The following ABTB2 variants were observed in gnomAD, a reference collection of about 807,000 sequenced individuals.
The protein encoded by ABTB2 is ankyrin repeat and BTB domain containing 2.
In ABTB2, 56 loss-of-function variants were observed where a neutral mutation model predicts 104.1. That is an observed-to-expected ratio of 0.54 (90% CI 0.43 to 0.67). The LOEUF (loss-of-function observed/expected upper bound fraction) is 0.67, where lower values mean the gene tolerates loss of function less well. Among genes scored for constraint, ABTB2 ranks in the 30% least tolerant of loss-of-function variants. The probability of loss-of-function intolerance (pLI) is 0.00; values close to 1 mark genes in which losing one functional copy is unlikely to be tolerated. For synonymous variants in ABTB2, 606 were observed against 608.2 expected (o/e 1.00, Z 0.05); for missense variants, 1,279 against 1,407.7 (o/e 0.91, Z 1.46).
rs763477090 is a variant in ABTB2 at position 34,356,683 on chromosome 11, C to G, written c.883+18G>C. The G allele has an allele frequency of 5.8e-6, 9 of 1,557,308 alleles. No homozygotes were observed. The highest frequency in any genetic ancestry group is 2.7e-5 in the African/African-American group (2 of 73,932). ...TTCTTGCCTACCCAGTCTGCCAGTC[C>G]GAGGCCCGCGCGCTTACCATTGGCG... On this transcript the variant is annotated intron_variant, in intron 1 of 16. Coordinates refer to ENST00000435224, the MANE Select transcript of ABTB2 (RefSeq NM_145804.3). This position sits in a 1 kb window ranked among gnomAD's most constrained non-coding sequence, Gnocchi z 4.6.
At chr11:34,336,409 G>C (rs985857484) in intron 1 of ABTB2, among the ~76,000 whole-genome samples, 1 of 152,188 alleles carries the variant, frequency 6.6e-6, no homozygotes, top group Admixed American at 6.5e-5. Context: ...GGGAGGCTGA[G>C]GCAGGAGGAT....
intron 3 of ABTB2, among the ~76,000 whole-genome samples, chr11:34,190,272 C>CCAA (rs575570208): frequency 2.5e-4 from 29 of 115,100 alleles, no homozygotes; most frequent in East Asian, 9.7e-4. Flanking sequence ...GCTGCCCCCC[C>CCAA]AAAAAAAAAA....
At chr11:34,160,667 G>C (rs552805477) in intron 11 of ABTB2, among the ~76,000 whole-genome samples, 1 of 104,840 alleles carries the variant, frequency 9.5e-6, no homozygotes, top group Non-Finnish European at 1.9e-5. Context: ...GCACGCGCGC[G>C]CGTGTGTGTG....
At chr11:34,168,131 G>T in intron 5 of ABTB2, 139 bp from the exon 6 acceptor site, 1 of 828,212 alleles carries the variant, frequency 1.2e-6, no homozygotes, top group Non-Finnish European at 2.0e-6. Context: ...CAGGCTCTGT[G>T]CTTCCTGGGC....
chr11:34,343,586 T>C (rs926945728), intron 1 of ABTB2, among the ~76,000 whole-genome samples: 32 of 152,072 alleles, frequency 2.1e-4, no homozygotes, highest in Non-Finnish European at 2.1e-4. Context: ...GTAGTTCTCC[T>C]GTCTCAGTCT....
chr11:34,341,269 C>T (rs1855259351), intron 1 of ABTB2, among the ~76,000 whole-genome samples: 1 of 152,174 alleles, frequency 6.6e-6, no homozygotes, highest in Admixed American at 6.5e-5. Flanking sequence ...TGAGGCCACG[C>T]AGCTTGGAAA....
At chr11:34,195,958 G>A (rs1853248019) in intron 3 of ABTB2, among the ~76,000 whole-genome samples, 1 of 152,198 alleles carries the variant, frequency 6.6e-6, no homozygotes, top group South Asian at 2.1e-4. Context: ...TGAGGTCTCA[G>A]ATCGTCTCCC....
At position 34,357,243 on chromosome 11, in the gene ABTB2, C is replaced by T. The variant is rs1236065505; in HGVS notation, c.341G>A (p.Gly114Asp). The change falls in exon 1 of 17, where the codon GGC (glycine) becomes GAC (aspartate). Residue 114 changes from glycine to aspartate, a missense_variant. By Grantham distance (94) the Gly-to-Asp change is moderately conservative (BLOSUM62 -1). Transcript: ENST00000435224. The stretch of plus-strand genomic sequence containing the variant: ...GGCGGAGAACTGGGGCAGCCGCCGG[C>T]CGCCAGCGCCTTTGCGGAGCACCCG... ...VARVLRKGAGGRRLPQFSAEA... is the reference protein window; with the variant it reads ...VARVLRKGAGDRRLPQFSAEA... 3.3e-6 allele frequency: 5 copies of T among 1,496,362 alleles called. No individual in the cohort carries two copies. Among genetic ancestry groups the T allele is most frequent in the East Asian group, 2.5e-5 (1 of 39,502 alleles). 92.7% of individuals were successfully genotyped at this position (1,496,362 alleles called of 1,614,324 possible).
At position 34,170,926 on chromosome 11, in the gene ABTB2, C is replaced by G. The variant is rs759747790; in HGVS notation, c.1543G>C (p.Val515Leu). ...CGTACCTGGTCATCCATGGTGTTAA[C>G]CCCATCCGGACCCAAGGCCTCGATG... ...QAIEALGPDG[V>L]NTMDDQGMTP... Residue 515 changes from valine (V) to leucine (L), a missense_variant, in exon 5 of 17, where the codon GTT becomes CTT. Physicochemically the swap from Val to Leu is conservative, Grantham distance 32. Coordinates refer to ENST00000435224, the MANE Select transcript of ABTB2 (RefSeq NM_145804.3). 4.3e-6 allele frequency: 7 copies of G among 1,614,120 alleles called. No homozygotes were observed. Among genetic ancestry groups the G allele is most frequent in the South Asian group, 2.2e-5 (2 of 91,086 alleles).
chr11:34,172,393 A>T (rs56100723), intron 4 of ABTB2, among the ~76,000 whole-genome samples: 2,160 of 27,978 alleles, frequency 0.077, 142 homozygotes, highest in East Asian at 0.32. Context: ...AAAAAAAAAA[A>T]AAATATATAT....
chr11:34,193,520 G>T (rs1163403174), intron 3 of ABTB2, among the ~76,000 whole-genome samples: 1 of 152,232 alleles, frequency 6.6e-6, no homozygotes, highest in African/African-American at 2.4e-5. Flanking sequence ...AGGTGAGAGA[G>T]ACCTCAGGTT....
intron 1 of ABTB2, among the ~76,000 whole-genome samples, chr11:34,242,256 T>G (rs1018633457): frequency 2.0e-5 from 3 of 152,142 alleles, no homozygotes; most frequent in Non-Finnish European, 4.4e-5. Flanking sequence ...CACACCCTCC[T>G]GATCTAAGGC....
intron 1 of ABTB2, among the ~76,000 whole-genome samples, chr11:34,307,900 T>C (rs958614685): frequency 6.6e-6 from 1 of 152,208 alleles, no homozygotes; most frequent in African/African-American, 2.4e-5. Context: ...GGTTTCACCA[T>C]GTTGGTCAGG....
intron 1 of ABTB2, among the ~76,000 whole-genome samples, chr11:34,322,999 T>C (rs1855024608): frequency 6.6e-6 from 1 of 152,174 alleles, no homozygotes; most frequent in Non-Finnish European, 1.5e-5. Flanking sequence ...AACCTCTGCC[T>C]CCTGGGTTCA....
chr11:34,178,151 C>A lies in ABTB2; in HGVS notation c.1245-4844G>T, dbSNP rs139105722. Among the ~76,000 whole-genome samples the A allele has an allele frequency of 7.8e-3, 1,192 of 151,932 alleles. 7 individuals are homozygous for A. The highest frequency in any genetic ancestry group is 0.011 in the Admixed American group (164 of 15,252). On this transcript the variant is annotated intron_variant, in intron 3 of 16. Coordinates refer to ENST00000435224, the MANE Select transcript of ABTB2 (RefSeq NM_145804.3). ...ACAGAAATCTAGATTAGCCCTCTGC[C>A]TCTTTCAATATACAGAAATCTAGAT... is the stretch of plus-strand genomic sequence containing the variant.
intron 9 of ABTB2, among the ~76,000 whole-genome samples, chr11:34,164,028 C>A (rs911753239): frequency 6.6e-6 from 1 of 152,076 alleles, no homozygotes; most frequent in African/African-American, 2.4e-5. Flanking sequence ...GGGGAGGGGA[C>A]CCCAGCCAGA....
chr11:34,161,170 G>C (rs1852716317), intron 10 of ABTB2, 89 bp from the exon 11 acceptor site: 1 of 1,341,934 alleles, frequency 7.5e-7, no homozygotes, highest in Non-Finnish European at 1.0e-6. Context: ...AGACTCTCTC[G>C]GGATGCCCCC....
At chr11:34,304,246 G>T (rs1185207354) in intron 1 of ABTB2, among the ~76,000 whole-genome samples, 1 of 152,122 alleles carries the variant, frequency 6.6e-6, no homozygotes, top group African/African-American at 2.4e-5. Flanking sequence ...TATGCTCTGT[G>T]GATAAAAGAT....
rs1415195691 is a variant in ABTB2, at chr11:34,165,320, C to T, written c.1792G>A (p.Ala598Thr). ...TAGCTGTCCTCGCCGCCGTTCACTG[C>T]CGAGCCCTCGACATGGGCACCAGCA... ...LDAGAHVEGSAVNGGEDSYAE... is the reference protein window; with the variant it reads ...LDAGAHVEGSTVNGGEDSYAE... The change falls in exon 8 of 17, where the codon GCA (alanine) becomes ACA (threonine). Residue 598 changes from alanine to threonine, a missense_variant. Physicochemically the swap from Ala to Thr is moderately conservative, Grantham distance 58. Transcript: ENST00000435224. The T allele has an allele frequency of 1.9e-6, 3 of 1,585,240 alleles. No individual in the cohort carries two copies. The highest frequency in any genetic ancestry group is 3.6e-5 in the Admixed American group (2 of 56,102).
Sources: allele counts gnomAD v4.1 joint callset (sites outside exome capture counted in the v4.1 genomes callset), GRCh38; gene constraint gnomAD v4.1.1; non-coding constraint Gnocchi (gnomAD v3.1); transcripts MANE v1.5; gene names NCBI Gene and HGNC (gene_info 2026-07-23, HGNC 2026-07-21).